SUMO3: variants seen among roughly 807,000 people sequenced by gnomAD.
SUMO3 encodes the protein small ubiquitin-related modifier 3.
A neutral mutation model predicts 11.1 loss-of-function variants in SUMO3; 2 were observed. The ratio of observed to expected loss-of-function variants is 0.18; its 90% confidence interval spans 0.07 to 0.57. The LOEUF is 0.57. Among genes scored for constraint, SUMO3 ranks in the 20% least tolerant of loss-of-function variants. The probability of loss-of-function intolerance (pLI) is 0.92; values close to 1 mark genes in which losing one functional copy is unlikely to be tolerated. For missense variants in SUMO3, 70 were observed against 132.8 expected (o/e 0.53, Z 2.32); for synonymous variants, 56 against 53.5 (o/e 1.05, Z -0.20).
Position 44,811,440 on chromosome 21 carries a change from C to T in SUMO3, c.151-2322G>A, listed in dbSNP as rs114655158. Among the ~76,000 whole-genome samples, 901 of 152,068 alleles carry T rather than the reference C, an allele frequency of 5.9e-3. 7 individuals carry two copies. Among genetic ancestry groups the T allele is most frequent in the African/African-American group, 0.02 (838 of 41,444 alleles). On this transcript the variant is annotated intron_variant, in intron 2 of 3. Coordinates refer to ENST00000332859, the MANE Select transcript of SUMO3 (RefSeq NM_006936.3). This position sits in a 1 kb window ranked among gnomAD's most constrained non-coding sequence, Gnocchi z 5.0. ...TAAAAAAATGAGCCAGGCGTGGTGG[C>T]GTGTACCTGGAGTCCCACCTACTCG...
In SUMO3 at chr21:44,806,959, T is replaced by A; in HGVS notation, c.304A>T (p.Ser102Cys). 1 of 1,614,070 alleles carries A rather than the reference T, an allele frequency of 6.2e-7. No individual in the cohort carries two copies. The highest frequency in any genetic ancestry group is 8.5e-7 in the Non-Finnish European group (1 of 1,180,014). ...GGCTGGGGACGGGCCCTCTAGAAAC[T>A]GTGCCCTGCCAGGCTGCTCTCCGGC... The part of the protein sequence containing the change: ...GVPESSLAGH[S>C]F The change falls in exon 4 of 4, where the codon AGT becomes TGT. Residue 102 changes from serine (S) to cysteine (C), a missense_variant. Ser to Cys is a moderately radical substitution (Grantham distance 112, BLOSUM62 -1). Transcript: ENST00000332859.
At chr21:44,808,345 T>C (rs770768131) in intron 3 of SUMO3, 10 of 448,132 alleles carry the variant, frequency 2.2e-5, no homozygotes, top group South Asian at 3.6e-5. Context: ...ACCCCGTCTC[T>C]ACTAAAAATA....
chr21:44,808,400 C>G, intron 3 of SUMO3: 1 of 885,016 alleles, frequency 1.1e-6, no homozygotes, highest in South Asian at 2.1e-5. Context: ...ATAGTCCCAG[C>G]TACTTGGGAG....
intron 2 of SUMO3, 159 bp downstream of exon 2, chr21:44,813,817 A>G: frequency 6.6e-7 from 1 of 1,524,694 alleles, no homozygotes; most frequent in Non-Finnish European, 8.8e-7. Context: ...GCCTGGACTA[A>G]TTTTACAGCA....
chr21:44,806,583 G>A lies in SUMO3; in HGVS notation c.*368C>T. The A allele has an allele frequency of 3.6e-6, 1 of 278,794 alleles. No individual in the cohort carries two copies. Among genetic ancestry groups the A allele is most frequent in the South Asian group, 3.5e-5 (1 of 28,754 alleles). The allele number at this position is 278,794 out of a possible 1,614,324, so 17.3% of individuals were successfully genotyped here. ...TTCTCTATGTGACTGGAGTGAGCAGGGGAGAGGCAACCAACTCAGGAGTCA... is the reference window on the plus strand; with the variant it reads ...TTCTCTATGTGACTGGAGTGAGCAGAGGAGAGGCAACCAACTCAGGAGTCA... On this transcript the variant is annotated 3_prime_UTR_variant, in exon 4 of 4. Transcript: ENST00000332859.
At chr21:44,814,482 C>T (rs77760544) in intron 1 of SUMO3, among the ~76,000 whole-genome samples, 21 of 152,334 alleles carry the variant, frequency 1.4e-4, no homozygotes, top group African/African-American at 4.8e-4. Flanking sequence ...GGGAGGATGG[C>T]GTAAGCCCAG....
At chr21:44,808,350 A>C in intron 3 of SUMO3, 1 of 474,650 alleles carries the variant, frequency 2.1e-6, no homozygotes, top group Non-Finnish European at 3.6e-6. Context: ...GTCTCTACTA[A>C]AAATACAAAA....
chr21:44,813,812 G>A (rs1360642349), intron 2 of SUMO3, 164 bp downstream of exon 2: 1 of 1,520,768 alleles, frequency 6.6e-7, no homozygotes, highest in Non-Finnish European at 8.8e-7. Context: ...GCCCAGCCTG[G>A]ACTAATTTTA....
rs1223129099 is a variant in SUMO3 at position 44,807,104 on chromosome 21, G to C, written c.223-64C>G. On this transcript the variant is annotated intron_variant, in intron 3 of 3. Transcript: ENST00000332859. The surrounding 1 kb of genome is among the most constrained non-coding windows in gnomAD (Gnocchi z 4.3). ...GGAGCCTGTTAGTTTTCATCAGAGA[G>C]TGGGAAGATCCTCACTGGCATGAGT... 3 of 1,587,650 alleles carry C rather than the reference G, an allele frequency of 1.9e-6. No individual in the cohort carries two copies. Among genetic ancestry groups the C allele is most frequent in the Non-Finnish European group, 2.6e-6 (3 of 1,164,358 alleles).
At chr21:44,814,769 C>T (rs1418114916) in intron 1 of SUMO3, among the ~76,000 whole-genome samples, 4 of 152,198 alleles carry the variant, frequency 2.6e-5, no homozygotes, top group Admixed American at 1.3e-4. Context: ...AAGCCACCTC[C>T]GAGTACTTTC....
At chr21:44,808,514 C>G (rs1216526932) in intron 3 of SUMO3, 2 of 1,310,986 alleles carry the variant, frequency 1.5e-6, no homozygotes, top group East Asian at 6.2e-5. Context: ...GACTCCGTCT[C>G]AAAAAAAAAA....
chr21:44,808,348 T>C (rs1353080952), intron 3 of SUMO3: 1 of 468,622 alleles, frequency 2.1e-6, no homozygotes, highest in Non-Finnish European at 3.7e-6. Context: ...CCGTCTCTAC[T>C]AAAAATACAA....
chr21:44,815,982 G>A (rs535427702), intron 1 of SUMO3, among the ~76,000 whole-genome samples: 2 of 152,138 alleles, frequency 1.3e-5, no homozygotes, highest in African/African-American at 4.8e-5. Context: ...CAGCACCACC[G>A]GGCCCCAGAG....
chr21:44,813,470 C>G (rs913535057), intron 2 of SUMO3: 10 of 234,680 alleles, frequency 4.3e-5, no homozygotes, highest in Non-Finnish European at 6.8e-5. Context: ...TATCCTGAAA[C>G]TGGGGAAGAA....
intron 1 of SUMO3, among the ~76,000 whole-genome samples, chr21:44,816,894 G>A (rs1294592519): frequency 3.8e-4 from 55 of 144,062 alleles, no homozygotes; most frequent in African/African-American, 1.4e-3. Flanking sequence ...CACACTATAG[G>A]GGGCGTGATG....
rs751117587 is a variant in SUMO3, at chr21:44,817,937, G to A, written c.21+11C>T. The A allele has an allele frequency of 2.5e-5, 29 of 1,171,574 alleles. No individual in the cohort carries two copies. Among genetic ancestry groups the A allele is most frequent in the Non-Finnish European group, 2.8e-5 (27 of 949,374 alleles). The allele number at this position is 1,171,574 out of a possible 1,614,324, so 72.6% of individuals were successfully genotyped here. ...GATAGACGCGCGTGCAGGCGGGGTC[G>A]CCGCGCTTACCTTGGGCTTCTCCTC... is the stretch of plus-strand genomic sequence containing the variant. On this transcript the variant is annotated intron_variant, in intron 1 of 3. Transcript: ENST00000332859.
Position 44,807,124 on chromosome 21 carries a change from A to G in SUMO3, c.223-84T>C, listed in dbSNP as rs1012041629. ...AGAGAGTGGGAAGATCCTCACTGGC[A>G]TGAGTGTTCCCTGACACTAGCGACA... is the stretch of plus-strand genomic sequence containing the variant. On this transcript the variant is annotated intron_variant, in intron 3 of 3. Coordinates refer to ENST00000332859, the MANE Select transcript of SUMO3 (RefSeq NM_006936.3). The surrounding 1 kb of genome is among the most constrained non-coding windows in gnomAD (Gnocchi z 4.3). 8 of 1,526,096 alleles carry G rather than the reference A, an allele frequency of 5.2e-6. No individual in the cohort carries two copies. Among genetic ancestry groups the G allele is most frequent in the Admixed American group, 1.8e-5 (1 of 56,170 alleles). 94.5% of individuals were successfully genotyped at this position (1,526,096 alleles called of 1,614,324 possible).
chr21:44,809,413 G>A (rs1375940627), intron 2 of SUMO3, among the ~76,000 whole-genome samples: 1 of 152,206 alleles, frequency 6.6e-6, no homozygotes, highest in African/African-American at 2.4e-5. Flanking sequence ...TCTCTGATGA[G>A]CTAAAACGGC....
chr21:44,806,098 C>CA lies in SUMO3; in HGVS notation c.*852dup, dbSNP rs1267103003. 1 of 152,104 alleles carries CA rather than the reference C, an allele frequency of 6.6e-6. No individual in the cohort carries two copies. Among genetic ancestry groups the CA allele is most frequent in the African/African-American group, 2.4e-5 (1 of 41,398 alleles). 9.4% of individuals were successfully genotyped at this position (152,104 alleles called of 1,614,324 possible). A position where few individuals can be genotyped will look rare whatever the true frequency, so the allele number is the denominator to read the frequency against. ...TAGTCTTACTTTTTTATGTATAGAC[C>CA]ATAATCATTCATCAGAAGCAAATAC... On this transcript the variant is annotated 3_prime_UTR_variant, in exon 4 of 4. Coordinates refer to ENST00000332859, the MANE Select transcript of SUMO3 (RefSeq NM_006936.3).
Sources: gnomAD v4.1 joint callset for allele counts (sites outside exome capture counted in the v4.1 genomes callset) on GRCh38, gnomAD v4.1.1 for gene constraint, Gnocchi (gnomAD v3.1) non-coding constraint, MANE v1.5 for transcripts, NCBI Gene and HGNC (gene_info 2026-07-23, HGNC 2026-07-21) for gene names.